KCNH8: variants seen among roughly 807,000 people sequenced by gnomAD.
The protein encoded by KCNH8 is voltage-gated delayed rectifier potassium channel KCNH8.
Under a neutral mutation model 103.6 loss-of-function variants are expected in KCNH8, and 70 were observed. The observed-to-expected ratio is 0.68, with a 90% confidence interval of 0.56 to 0.82. KCNH8 has a LOEUF of 0.82. Among genes scored for constraint, KCNH8 ranks in the 40% least tolerant of loss-of-function variants. The pLI, the probability that KCNH8 is intolerant of heterozygous loss-of-function variation, is 0.00. For synonymous variants in KCNH8, 498 were observed against 489.4 expected, an observed-to-expected ratio of 1.02 and a Z score of -0.23; for missense variants, 1,217 against 1,329.9, an observed-to-expected ratio of 0.92 and a Z score of 1.32.
chr3:19,190,440 T>C (rs2063540535), intron 1 of KCNH8, among the ~76,000 whole-genome samples: 2 of 152,144 alleles, frequency 1.3e-5, no homozygotes, highest in Non-Finnish European at 1.5e-5. Flanking sequence ...ATTGTTTTTG[T>C]ATTTTATTTT....
intron 3 of KCNH8, among the ~76,000 whole-genome samples, chr3:19,332,298 C>G (rs144518769): frequency 1.3e-3 from 205 of 152,308 alleles, no homozygotes; most frequent in Middle Eastern, 3.4e-3. Context: ...CTAGTCTGTT[C>G]TCCATCTACA....
At chr3:19,237,530 G>A (rs1283320776) in intron 1 of KCNH8, among the ~76,000 whole-genome samples, 1 of 152,240 alleles carries the variant, frequency 6.6e-6, no homozygotes, top group Non-Finnish European at 1.5e-5. Context: ...GGCAACTGCA[G>A]TGGGCACATG....
intron 2 of KCNH8, among the ~76,000 whole-genome samples, chr3:19,276,621 C>A (rs2125270722): frequency 6.6e-6 from 1 of 152,142 alleles, no homozygotes; most frequent in African/African-American, 2.4e-5. Context: ...ACCTGCACCT[C>A]CTTGTATTAA....
intron 1 of KCNH8, among the ~76,000 whole-genome samples, chr3:19,239,137 T>C (rs1175681846): frequency 6.6e-6 from 1 of 151,946 alleles, no homozygotes; most frequent in Non-Finnish European, 1.5e-5. Context: ...CAAGTATCAG[T>C]GGTTTAAACA....
intron 3 of KCNH8, among the ~76,000 whole-genome samples, chr3:19,322,892 C>A (rs928010431): frequency 1.3e-5 from 2 of 152,032 alleles, no homozygotes; most frequent in Non-Finnish European, 2.9e-5. Context: ...TTTTTTTATT[C>A]TTTTTTCTTT....
At chr3:19,286,857 C>T (rs189580671) in intron 3 of KCNH8, among the ~76,000 whole-genome samples, 7 of 152,140 alleles carry the variant, frequency 4.6e-5, no homozygotes, top group African/African-American at 9.6e-5. Context: ...ATGTGGAACC[C>T]GCAGATACAG....
intron 7 of KCNH8, among the ~76,000 whole-genome samples, chr3:19,399,570 C>T (rs928453450): frequency 1.8e-4 from 28 of 151,838 alleles, no homozygotes; most frequent in African/African-American, 6.5e-4. Context: ...TTTCATTAAA[C>T]AATCTCAGAT....
chr3:19,374,368 CTTCT>C (rs1387416663), intron 5 of KCNH8, among the ~76,000 whole-genome samples: 7 of 151,472 alleles, frequency 4.6e-5, no homozygotes, highest in Non-Finnish European at 8.8e-5. Flanking sequence ...ATGTAATGGC[CTTCT>C]TTGTCTCTTT....
chr3:19,474,477 C>G (rs2067929635), intron 11 of KCNH8, among the ~76,000 whole-genome samples: 1 of 152,110 alleles, frequency 6.6e-6, no homozygotes, highest in South Asian at 2.1e-4. Flanking sequence ...ATTAGAAATA[C>G]AAAGCAAGCT....
chr3:19,166,685 C>G (rs1488113545), intron 1 of KCNH8, among the ~76,000 whole-genome samples: 1 of 152,118 alleles, frequency 6.6e-6, no homozygotes, highest in African/African-American at 2.4e-5. Context: ...GGACAGTAGG[C>G]TTGGGGACAG....
chr3:19,420,791 A>G (rs559481082), intron 7 of KCNH8, among the ~76,000 whole-genome samples: 16 of 152,348 alleles, frequency 1.1e-4, no homozygotes, highest in Non-Finnish European at 2.2e-4. Flanking sequence ...ATACCATGAT[A>G]CATCAGGATT....
intron 11 of KCNH8, among the ~76,000 whole-genome samples, chr3:19,502,941 C>G: frequency 6.6e-6 from 1 of 152,042 alleles, no homozygotes; most frequent in African/African-American, 2.4e-5. Flanking sequence ...TCTAACTAAA[C>G]TAAAGAGCTT....
intron 1 of KCNH8, among the ~76,000 whole-genome samples, chr3:19,170,613 TACACACAC>T (rs1553620054): frequency 6.3e-5 from 9 of 143,170 alleles, no homozygotes; most frequent in African/African-American, 1.9e-4. Flanking sequence ...TATATATGTA[TACACACAC>T]ATATATATAT....
chr3:19,373,096 G>A (rs188483559), intron 5 of KCNH8, among the ~76,000 whole-genome samples: 1,656 of 151,884 alleles, frequency 0.011, 22 homozygotes, highest in African/African-American at 0.037. Context: ...TCTGTGCCCG[G>A]CTTTGGTATC....
chr3:19,295,934 G>A (rs1301957750), intron 3 of KCNH8, among the ~76,000 whole-genome samples: 2 of 152,106 alleles, frequency 1.3e-5, no homozygotes, highest in African/African-American at 2.4e-5. Context: ...TCTAGTTTCT[G>A]CCCCATGCTT....
At chr3:19,392,063 A>G (rs951365815) in intron 6 of KCNH8, among the ~76,000 whole-genome samples, 1 of 151,084 alleles carries the variant, frequency 6.6e-6, no homozygotes, top group Non-Finnish European at 1.5e-5. Context: ...TTGAGTACTG[A>G]GCGAATATTT....
At chr3:19,436,045 G>A (rs955460543) in intron 7 of KCNH8, among the ~76,000 whole-genome samples, 4 of 151,992 alleles carry the variant, frequency 2.6e-5, no homozygotes, top group Admixed American at 6.6e-5. Context: ...CTATGCAATC[G>A]AAAAATACAT....
At chr3:19,400,169 T>A (rs1210776892) in intron 7 of KCNH8, among the ~76,000 whole-genome samples, 1 of 134,162 alleles carries the variant, frequency 7.5e-6, no homozygotes, top group Admixed American at 8.6e-5. Flanking sequence ...GCCCTGTGTC[T>A]CTCCATTACT....
chr3:19,272,027 A>T (rs995013427), intron 2 of KCNH8, among the ~76,000 whole-genome samples: 2 of 152,172 alleles, frequency 1.3e-5, no homozygotes, highest in Admixed American at 6.5e-5. Flanking sequence ...GACAAAAAGC[A>T]GTAGGGTTCT....
Sources: allele counts gnomAD v4.1 joint callset (sites outside exome capture counted in the v4.1 genomes callset), GRCh38; gene constraint gnomAD v4.1.1; transcripts MANE v1.5; gene names NCBI Gene and HGNC (gene_info 2026-07-23, HGNC 2026-07-21).